PPP1R14C: variants seen among roughly 807,000 people sequenced by gnomAD.
PPP1R14C encodes the protein protein phosphatase 1 regulatory inhibitor subunit 14C.
A neutral mutation model predicts 20.4 loss-of-function variants in PPP1R14C; 16 were observed. That is an observed-to-expected ratio of 0.78 (90% CI 0.53 to 1.19). The LOEUF is 1.19. Ranked by LOEUF, PPP1R14C falls within the 50% of genes most tolerant of loss-of-function variation. The pLI is 0.00. For missense variants in PPP1R14C, 211 were observed against 220.1 expected, an observed-to-expected ratio of 0.96 and a Z score of 0.26; for synonymous variants, 91 against 91.0, an observed-to-expected ratio of 1.00 and a Z score of 0.00.
At chr6:150,144,918 G>A (rs1777165163) in intron 1 of PPP1R14C, among the ~76,000 whole-genome samples, 1 of 152,148 alleles carries the variant, frequency 6.6e-6, no homozygotes, top group Non-Finnish European at 1.5e-5. Context: ...ATTTGATGTA[G>A]ATGGGATTAC....
At chr6:150,187,293 T>TGTGTGTGTGTG (rs1777689343) in intron 1 of PPP1R14C, among the ~76,000 whole-genome samples, 1 of 100,276 alleles carries the variant, frequency 1.0e-5, no homozygotes, top group African/African-American at 3.3e-5. Flanking sequence ...GTGTGTGTGT[T>TGTGTGTGTGTG]TGCATGCTTT....
chr6:150,156,017 T>A (rs1399019770), intron 1 of PPP1R14C, among the ~76,000 whole-genome samples: 5 of 98,764 alleles, frequency 5.1e-5, no homozygotes, highest in African/African-American at 8.4e-5. Context: ...AGAGTGAGAC[T>A]CTGTCTCAAA....
chr6:150,166,791 C>T (rs949609767), intron 1 of PPP1R14C, among the ~76,000 whole-genome samples: 5 of 152,258 alleles, frequency 3.3e-5, no homozygotes, highest in South Asian at 2.1e-4. Flanking sequence ...CTGTGATTCT[C>T]GTTCTTATTT....
chr6:150,191,100 C>G (rs545539628), intron 1 of PPP1R14C, among the ~76,000 whole-genome samples: 1 of 152,262 alleles, frequency 6.6e-6, no homozygotes, highest in Admixed American at 6.5e-5. Context: ...CCTCTGGGCT[C>G]TGCAGCTTAC....
chr6:150,236,243 A>G (rs1476637553), intron 3 of PPP1R14C, among the ~76,000 whole-genome samples: 1 of 152,202 alleles, frequency 6.6e-6, no homozygotes, highest in Non-Finnish European at 1.5e-5. Context: ...GTGAAAATAA[A>G]CAGAGTGGCT....
At chr6:150,168,115 C>A (rs993301675) in intron 1 of PPP1R14C, among the ~76,000 whole-genome samples, 5 of 127,352 alleles carry the variant, frequency 3.9e-5, no homozygotes, top group African/African-American at 1.6e-4. Context: ...TTACTTCCCT[C>A]CCCCACTCCT....
chr6:150,182,361 G>A (rs1777631519), intron 1 of PPP1R14C, among the ~76,000 whole-genome samples: 1 of 152,182 alleles, frequency 6.6e-6, no homozygotes, highest in South Asian at 2.1e-4. Flanking sequence ...CACAGTTCTG[G>A]AGGCTGGGAA....
chr6:150,248,683 C>A, intron 3 of PPP1R14C, 63 bp from the exon 4 acceptor site: 1 of 1,144,562 alleles, frequency 8.7e-7, no homozygotes, highest in Non-Finnish European at 1.3e-6. Flanking sequence ...TTACTTTAAG[C>A]AGATTTTTAA....
intron 3 of PPP1R14C, among the ~76,000 whole-genome samples, chr6:150,233,864 C>T (rs537746334): frequency 1.3e-5 from 2 of 152,358 alleles, no homozygotes; most frequent in African/African-American, 2.4e-5. Context: ...CAGGCAGGAA[C>T]CAGCCCTGCA....
At chr6:150,183,440 C>T (rs530355728) in intron 1 of PPP1R14C, among the ~76,000 whole-genome samples, 17 of 152,192 alleles carry the variant, frequency 1.1e-4, no homozygotes, top group Admixed American at 5.2e-4. Flanking sequence ...TTCCAAATGT[C>T]GTAGTACAGA....
chr6:150,248,848 A>G lies in PPP1R14C; in HGVS notation c.*28A>G, dbSNP rs558209998. On this transcript the variant is annotated 3_prime_UTR_variant, in exon 4 of 4. Transcript: ENST00000361131. ...CTGGAACAGGGTGAAACTCTCCCAG[A>G]GACGAAGAAAGAGTCCTGGGATTTG... 25 of 1,461,936 alleles carry G rather than the reference A, an allele frequency of 1.7e-5. No individual in the cohort carries two copies. The highest frequency in any genetic ancestry group is 1.2e-4 in the Admixed American group (7 of 58,896). The allele number at this position is 1,461,936 out of a possible 1,614,324, so 90.6% of individuals were successfully genotyped here.
chr6:150,189,683 T>A (rs1195706035), intron 1 of PPP1R14C, among the ~76,000 whole-genome samples: 8 of 152,202 alleles, frequency 5.3e-5, no homozygotes, highest in Non-Finnish European at 1.2e-4. Context: ...TGCTTTTCTT[T>A]CGGTAGAGAA....
chr6:150,189,800 G>A (rs1777721243), intron 1 of PPP1R14C, among the ~76,000 whole-genome samples: 2 of 152,128 alleles, frequency 1.3e-5, no homozygotes, highest in South Asian at 4.1e-4. Flanking sequence ...GGATAAAACT[G>A]TGGATTCCTT....
At chr6:150,183,066 T>C (rs909315173) in intron 1 of PPP1R14C, among the ~76,000 whole-genome samples, 2 of 152,230 alleles carry the variant, frequency 1.3e-5, no homozygotes, top group Admixed American at 6.5e-5. Flanking sequence ...GGTGGAAATA[T>C]TATTATGCTG....
chr6:150,190,118 G>C (rs1239019530), intron 1 of PPP1R14C, among the ~76,000 whole-genome samples: 1 of 152,098 alleles, frequency 6.6e-6, no homozygotes, highest in Non-Finnish European at 1.5e-5. Context: ...TTATCCTTCT[G>C]CATGCTATAT....
At chr6:150,194,710 G>C (rs961815873) in intron 1 of PPP1R14C, 21 of 985,260 alleles carry the variant, frequency 2.1e-5, no homozygotes, top group Non-Finnish European at 2.4e-5. Flanking sequence ...TGATTTGCTT[G>C]TTCAGCTATA....
intron 1 of PPP1R14C, among the ~76,000 whole-genome samples, chr6:150,205,792 A>C (rs1160601097): frequency 3.8e-5 from 3 of 78,474 alleles, no homozygotes; most frequent in Non-Finnish European, 7.7e-5. Flanking sequence ...CCTCCGTCTC[A>C]AAAAAAAAAA....
At chr6:150,230,538 G>T (rs903837887) in intron 3 of PPP1R14C, among the ~76,000 whole-genome samples, 2 of 152,176 alleles carry the variant, frequency 1.3e-5, no homozygotes, top group African/African-American at 2.4e-5. Context: ...GTAGGGAATG[G>T]ATGGGTCTTT....
chr6:150,223,700 G>T (rs1241808875), intron 3 of PPP1R14C, among the ~76,000 whole-genome samples: 2 of 150,658 alleles, frequency 1.3e-5, no homozygotes, highest in Admixed American at 1.3e-4. Context: ...GGGTGTGTTT[G>T]TTTTTTTTTG....
Sources: allele counts gnomAD v4.1 joint callset (sites outside exome capture counted in the v4.1 genomes callset), GRCh38; gene constraint gnomAD v4.1.1; transcripts MANE v1.5; gene names NCBI Gene and HGNC (gene_info 2026-07-23, HGNC 2026-07-21).